The following GOLGA8B variants were observed in gnomAD, a reference collection of about 807,000 sequenced individuals.
The protein encoded by GOLGA8B is golgin A8 family member B.
In GOLGA8B, 1 loss-of-function variant was observed where a neutral mutation model predicts 15.6. The ratio of observed to expected loss-of-function variants is 0.06; its 90% CI spans 0.02 to 0.30. GOLGA8B has a LOEUF of 0.30. Among genes scored for constraint, GOLGA8B ranks in the 10% least tolerant of loss-of-function variants. GOLGA8B has a pLI of 1.00. For missense variants in GOLGA8B, 17 were observed against 201.3 expected (o/e 0.08, Z 5.54); for synonymous variants, 9 against 80.3 (o/e 0.11, Z 4.75).
At chr15:34,576,208 T>C (rs957156677) in intron 1 of GOLGA8B, among the ~76,000 whole-genome samples, 1 of 151,830 alleles carries the variant, frequency 6.6e-6, no homozygotes, top group African/African-American at 2.4e-5. Context: ...AGTCCAGGGG[T>C]CCCCCACGGC....
rs571665578 is a variant in GOLGA8B at position 34,565,284 on chromosome 15, C to T, written c.-1122-11328G>A. ...CCTAGTAGCTGGGATTACAGGCGTC[C>T]GCCACCACGCCTGGCTAATTTTTGT... is the stretch of plus-strand genomic sequence containing the variant. On this transcript the variant is annotated intron_variant, in intron 1 of 23. Transcript: ENST00000683415. Among the ~76,000 whole-genome samples the T allele has an allele frequency of 8.5e-5, 12 of 140,396 alleles. No individual in the cohort carries two copies. In the South Asian group the frequency reaches 2.0e-3, roughly 23 times the overall value. The allele number at this position is 140,396 out of a possible 152,430, so 92.1% of individuals were successfully genotyped here. A position where few individuals can be genotyped will look rare whatever the true frequency, so the allele number is the denominator to read the frequency against.
chr15:34,567,425 G>A (rs1392621050), intron 1 of GOLGA8B, among the ~76,000 whole-genome samples: 1 of 151,744 alleles, frequency 6.6e-6, no homozygotes, highest in Non-Finnish European at 1.5e-5. Context: ...AGATGAGCCA[G>A]GGTCTGCCCA....
At chr15:34,573,515 T>A (rs1472978254) in intron 1 of GOLGA8B, among the ~76,000 whole-genome samples, 1 of 123,016 alleles carries the variant, frequency 8.1e-6, no homozygotes, top group Non-Finnish European at 1.6e-5. Flanking sequence ...CCAGCCTGGG[T>A]GATAGAGTGA....
chr15:34,580,767 T>A (rs1050504157), intron 1 of GOLGA8B, among the ~76,000 whole-genome samples: 7 of 152,112 alleles, frequency 4.6e-5, no homozygotes, highest in Admixed American at 2.6e-4. Context: ...CAAGGGAACA[T>A]TGAGCACCCC....
rs778597895 is a variant in GOLGA8B at position 34,527,737 on chromosome 15, C to T, written c.1707G>A (p.Leu569=). 47 of 1,189,834 alleles carry T rather than the reference C, an allele frequency of 4.0e-5. No homozygotes were observed. Among genetic ancestry groups the T allele is most frequent in the Middle Eastern group, 2.7e-4 (1 of 3,648 alleles). 73.7% of individuals were successfully genotyped at this position (1,189,834 alleles called of 1,614,324 possible). A position where few individuals can be genotyped will look rare whatever the true frequency, so the allele number is the denominator to read the frequency against. The change falls in exon 24 of 24, where the codon CTG becomes CTA. Residue 569 remains leucine, a synonymous_variant. Transcript: ENST00000683415. The part of the protein sequence containing the change: ...SQDNPTAQPV[L]QLLGEMQDHQ... ...GGTCCTGCATCTCACCAAGGAGCTG[C>T]AGGACTGGCTGTGCAGTAGGGTTGT...
At chr15:34,543,405 C>T (rs1888245335) in intron 7 of GOLGA8B, among the ~76,000 whole-genome samples, 1 of 143,310 alleles carries the variant, frequency 7.0e-6, no homozygotes, top group African/African-American at 2.6e-5. Flanking sequence ...CGAGTTCTCA[C>T]CATGCTGCCC....
intron 1 of GOLGA8B, among the ~76,000 whole-genome samples, chr15:34,574,303 CT>C (rs112808701): frequency 0.18 from 26,022 of 144,266 alleles, 2,710 homozygotes; most frequent in African/African-American, 0.33. Flanking sequence ...TCAAATCAGA[CT>C]TTTTTTTTTT....
chr15:34,580,004 G>C (rs1566937240), intron 1 of GOLGA8B, among the ~76,000 whole-genome samples: 1 of 152,188 alleles, frequency 6.6e-6, no homozygotes, highest in African/African-American at 2.4e-5. Context: ...AATTTATGCA[G>C]GGCCATCAGG....
At chr15:34,581,699 G>A (rs1889240661) in intron 1 of GOLGA8B, among the ~76,000 whole-genome samples, 1 of 152,050 alleles carries the variant, frequency 6.6e-6, no homozygotes, top group Non-Finnish European at 1.5e-5. Flanking sequence ...AGGAGCTGAC[G>A]GTCACCAGCT....
chr15:34,581,698 C>T (rs771659776), intron 1 of GOLGA8B, among the ~76,000 whole-genome samples: 123 of 152,100 alleles, frequency 8.1e-4, no homozygotes, highest in African/African-American at 2.8e-3. Context: ...GAGGAGCTGA[C>T]GGTCACCAGC....
intron 1 of GOLGA8B, among the ~76,000 whole-genome samples, chr15:34,567,394 C>T (rs1244342918): frequency 7.9e-6 from 1 of 126,366 alleles, no homozygotes; most frequent in South Asian, 3.5e-4. Flanking sequence ...TGTGGCTGGC[C>T]TGTCTGACAT....
At chr15:34,579,395 G>T (rs1473429864) in intron 1 of GOLGA8B, among the ~76,000 whole-genome samples, 2 of 152,110 alleles carry the variant, frequency 1.3e-5, no homozygotes, top group East Asian at 3.9e-4. Flanking sequence ...AGTGGGAAGG[G>T]AATCTGGGCG....
intron 1 of GOLGA8B, among the ~76,000 whole-genome samples, chr15:34,576,071 C>T (rs144677075): frequency 6.6e-6 from 1 of 152,276 alleles, no homozygotes; most frequent in African/African-American, 2.4e-5. Context: ...GTGAGACCTA[C>T]CAGGTTAGCG....
At chr15:34,577,897 C>T (rs1236027452) in intron 1 of GOLGA8B, among the ~76,000 whole-genome samples, 1 of 152,124 alleles carries the variant, frequency 6.6e-6, no homozygotes, top group Non-Finnish European at 1.5e-5. Context: ...AAACATTGTA[C>T]AGTTAGGCTA....
rs1476617146 is a variant in GOLGA8B, at chr15:34,526,300, ACTGT to A, written c.*1328_*1331del. The A allele has an allele frequency of 3.3e-5, 5 of 149,794 alleles. No homozygotes were observed. The highest frequency in any genetic ancestry group is 1.2e-4 in the African/African-American group (5 of 40,464). 9.3% of individuals were successfully genotyped at this position (149,794 alleles called of 1,614,324 possible). ...CCTTGATTTTCAAAGATAATATAAT[ACTGT>A]CTACTAAAATTCCTTTTTGTTTCAA... On this transcript the variant is annotated 3_prime_UTR_variant, in exon 24 of 24. Coordinates refer to ENST00000683415, the MANE Select transcript of GOLGA8B (RefSeq NM_001023567.5).
intron 1 of GOLGA8B, among the ~76,000 whole-genome samples, chr15:34,566,823 A>T (rs376981631): frequency 0.14 from 16,114 of 115,956 alleles, 999 homozygotes; most frequent in Admixed American, 0.24. Context: ...AACAGATTTT[A>T]GAAATGAAAG....
chr15:34,562,641 TC>T (rs1416573156), intron 1 of GOLGA8B, among the ~76,000 whole-genome samples: 1 of 132,952 alleles, frequency 7.5e-6, no homozygotes, highest in African/African-American at 2.6e-5. Context: ...CAAAAGCCTT[TC>T]CCAAAATATC....
intron 1 of GOLGA8B, among the ~76,000 whole-genome samples, chr15:34,564,355 TAAAAAA>T (rs58970262): frequency 2.8e-5 from 3 of 105,488 alleles, no homozygotes; most frequent in East Asian, 5.6e-4. Flanking sequence ...TGTAGATTCT[TAAAAAA>T]AAAAAAAAAA....
intron 1 of GOLGA8B, chr15:34,556,949 G>A: frequency 3.2e-6 from 2 of 627,942 alleles, no homozygotes; most frequent in East Asian, 2.7e-5. Flanking sequence ...TGGTGGCTGA[G>A]CTCTTCATTG....
Sources: gnomAD v4.1 joint callset for allele counts (sites outside exome capture counted in the v4.1 genomes callset) on GRCh38, gnomAD v4.1.1 for gene constraint, MANE v1.5 for transcripts, NCBI Gene and HGNC (gene_info 2026-07-23, HGNC 2026-07-21) for gene names.